RAB3IP: variants seen among roughly 807,000 people sequenced by gnomAD.
RAB3IP encodes rab-3A-interacting protein.
A neutral mutation model predicts 59.1 loss-of-function variants in RAB3IP; 36 were observed. That is an observed-to-expected ratio of 0.61 (90% confidence interval 0.47 to 0.80). The LOEUF (loss-of-function observed/expected upper bound fraction) is 0.80, where lower values mean the gene tolerates loss of function less well. Among genes scored for constraint, RAB3IP ranks in the 30% least tolerant of loss-of-function variants. The pLI is 0.00. For synonymous variants in RAB3IP, 207 were observed against 191.2 expected (o/e 1.08, Z -0.68); for missense variants, 511 against 536.0 (o/e 0.95, Z 0.46).
In RAB3IP at chr12:69,789,628, CA is replaced by C. The variant is rs113404707; in HGVS notation, c.607-4808del. ...CTGATACCAAAGCCAGTAAATGTAC[CA>C]CAAGGAAAAAACTATGGGCCAATAT... On this transcript the variant is annotated intron_variant, in intron 4 of 10. Transcript: ENST00000247833. Among the ~76,000 whole-genome samples, 63 of 152,106 alleles carry C rather than the reference CA, an allele frequency of 4.1e-4. 1 individual carries two copies. The highest frequency in any genetic ancestry group is 1.5e-3 in the African/African-American group (61 of 41,500).
intron 1 of RAB3IP, among the ~76,000 whole-genome samples, chr12:69,747,331 T>TGTGTGTGTGTGTGTGTGA (rs1165639333): frequency 2.3e-5 from 2 of 85,904 alleles, no homozygotes; most frequent in African/African-American, 7.6e-5. Context: ...TGTGTGTGTG[T>TGTGTGTGTGTGTGTGTGA]GAGAGAGAGA....
intron 1 of RAB3IP, among the ~76,000 whole-genome samples, chr12:69,750,029 G>C (rs1384671315): frequency 6.6e-6 from 1 of 152,194 alleles, no homozygotes; most frequent in Non-Finnish European, 1.5e-5. Context: ...ATTTTCACTA[G>C]AACAGTGGAA....
intron 1 of RAB3IP, 73 bp from the exon 2 acceptor site, chr12:69,755,311 T>C: frequency 1.6e-6 from 2 of 1,276,294 alleles, no homozygotes; most frequent in Non-Finnish European, 2.2e-6. Flanking sequence ...ACACATTTTA[T>C]AATTTATGCA....
At chr12:69,803,782 A>G (rs1472647781) in intron 8 of RAB3IP, among the ~76,000 whole-genome samples, 1 of 152,056 alleles carries the variant, frequency 6.6e-6, no homozygotes, top group Non-Finnish European at 1.5e-5. Flanking sequence ...GTTTGCTGAG[A>G]ATGATGGTTT....
At chr12:69,796,058 T>G in intron 6 of RAB3IP, 1 of 152,562 alleles carries the variant, frequency 6.6e-6, no homozygotes, top group Non-Finnish European at 1.5e-5. Flanking sequence ...CTCAGCACTT[T>G]GGGAGGCCAA....
At position 69,795,337 on chromosome 12, in the gene RAB3IP, G is replaced by A. The variant is rs547366487; in HGVS notation, c.881G>A (p.Cys294Tyr). 1.3e-5 allele frequency: 21 copies of A among 1,612,072 alleles called. No homozygotes were observed. The highest frequency in any genetic ancestry group is 6.7e-5 in the Admixed American group (4 of 59,972). The change falls in exon 6 of 11, where the codon TGC becomes TAC. Residue 294 changes from cysteine (C) to tyrosine (Y), a missense_variant. By Grantham distance (194) the Cys-to-Tyr change is radical. Transcript: ENST00000247833. Reference protein sequence around the residue: ...LSVIQPIVKDCKEADLSLYNE... With the variant: ...LSVIQPIVKDYKEADLSLYNE... Reference sequence around the variant, plus strand: ...GTGATACAGCCAATTGTAAAAGACTGCAAAGAGGTAACTCATCAAGGACTG... The same window carrying A: ...GTGATACAGCCAATTGTAAAAGACTACAAAGAGGTAACTCATCAAGGACTG...
chr12:69,747,551 T>C (rs1394902436), intron 1 of RAB3IP, among the ~76,000 whole-genome samples: 1 of 152,228 alleles, frequency 6.6e-6, no homozygotes, highest in Non-Finnish European at 1.5e-5. Flanking sequence ...GCAACCGTCC[T>C]GTCTTGGCCT....
chr12:69,813,262 T>C (rs1011629617), intron 10 of RAB3IP, among the ~76,000 whole-genome samples: 1 of 152,168 alleles, frequency 6.6e-6, no homozygotes, highest in African/African-American at 2.4e-5. Context: ...ATTTTACTCT[T>C]AATTTTGAAT....
At chr12:69,739,972 C>T in intron 1 of RAB3IP, 1 of 1,100,320 alleles carries the variant, frequency 9.1e-7, no homozygotes, top group Non-Finnish European at 1.4e-6. Context: ...ACCTGTTATA[C>T]ACTCTCCTGT....
intron 3 of RAB3IP, among the ~76,000 whole-genome samples, chr12:69,759,799 C>T (rs1475253542): frequency 6.7e-6 from 1 of 150,046 alleles, no homozygotes; most frequent in Non-Finnish European, 1.5e-5. Context: ...GGGCTGACCT[C>T]CCACCTCCCT....
chr12:69,787,928 G>A (rs995225209), intron 4 of RAB3IP, among the ~76,000 whole-genome samples: 2 of 151,994 alleles, frequency 1.3e-5, no homozygotes, highest in African/African-American at 4.8e-5. Flanking sequence ...AACATACATT[G>A]TAAATACAAG....
At chr12:69,788,575 ATCT>A in intron 4 of RAB3IP, among the ~76,000 whole-genome samples, 1 of 152,272 alleles carries the variant, frequency 6.6e-6, no homozygotes, top group East Asian at 1.9e-4. Flanking sequence ...AAACTGACAG[ATCT>A]GAAGGCTGAT....
chr12:69,792,087 T>C (rs1007410800), intron 4 of RAB3IP, among the ~76,000 whole-genome samples: 1 of 152,168 alleles, frequency 6.6e-6, no homozygotes, highest in Non-Finnish European at 1.5e-5. Flanking sequence ...ATCTCACTTA[T>C]ATGTGGAATC....
chr12:69,791,174 A>G (rs1876550546), intron 4 of RAB3IP, among the ~76,000 whole-genome samples: 1 of 152,204 alleles, frequency 6.6e-6, no homozygotes, highest in Non-Finnish European at 1.5e-5. Flanking sequence ...ATCTCACACC[A>G]TAAAGAAAAA....
rs1373512935 is a variant in RAB3IP, at chr12:69,817,973, T to G, written c.*2527T>G. 2 of 152,030 alleles carry G rather than the reference T, an allele frequency of 1.3e-5. No individual in the cohort carries two copies. Among genetic ancestry groups the G allele is most frequent in the Non-Finnish European group, 2.9e-5 (2 of 68,000 alleles). The allele number at this position is 152,030 out of a possible 1,614,324, so 9.4% of individuals were successfully genotyped here. ...GAAGTGCATGTGGGCCAATAAACAT[T>G]AAGAGGTTTTCATCTCTCAATCAGG... is the stretch of plus-strand genomic sequence containing the variant. On this transcript the variant is annotated 3_prime_UTR_variant, in exon 11 of 11. Transcript: ENST00000247833.
chr12:69,790,423 A>T (rs941465684), intron 4 of RAB3IP, among the ~76,000 whole-genome samples: 1 of 152,192 alleles, frequency 6.6e-6, no homozygotes, highest in Non-Finnish European at 1.5e-5. Flanking sequence ...ACACAGATGG[A>T]AAGAGATTTG....
chr12:69,742,437 A>G (rs1242256893), intron 1 of RAB3IP, among the ~76,000 whole-genome samples: 2 of 152,198 alleles, frequency 1.3e-5, no homozygotes, highest in Non-Finnish European at 2.9e-5. Context: ...TTATGCTTTT[A>G]TAATACTGAG....
chr12:69,770,443 C>A (rs12578520), intron 3 of RAB3IP, among the ~76,000 whole-genome samples: 1 of 151,980 alleles, frequency 6.6e-6, no homozygotes, highest in Non-Finnish European at 1.5e-5. Flanking sequence ...AGTTGTTATA[C>A]TGTATTGTCT....
intron 3 of RAB3IP, among the ~76,000 whole-genome samples, chr12:69,775,311 G>A (rs1188894908): frequency 7.4e-5 from 10 of 135,926 alleles, no homozygotes; most frequent in African/African-American, 2.5e-4. Context: ...GGAGATTTTG[G>A]GCTGAGACGA....
Sources: gnomAD v4.1 joint callset for allele counts (sites outside exome capture counted in the v4.1 genomes callset) on GRCh38, gnomAD v4.1.1 for gene constraint, MANE v1.5 for transcripts, NCBI Gene and HGNC (gene_info 2026-07-23, HGNC 2026-07-21) for gene names.